Variants in BTG1 observed in about 807,000 individuals in gnomAD.
The protein encoded by BTG1 is BTG anti-proliferation factor 1.
Under a neutral mutation model 15.2 loss-of-function variants are expected in BTG1, and 2 were observed. The ratio of observed to expected loss-of-function variants is 0.13; its 90% CI spans 0.05 to 0.41. The LOEUF (loss-of-function observed/expected upper bound fraction) is 0.41. Ranked by LOEUF, BTG1 falls within the 10% of genes least tolerant of loss-of-function variation. BTG1 has a pLI of 0.99. For missense variants in BTG1, 149 were observed against 215.0 expected (o/e 0.69, Z 1.92); for synonymous variants, 109 against 82.4 (o/e 1.32, Z -1.75).
chr12:92,145,820 T>A lies in BTG1; in HGVS notation c.-285A>T, dbSNP rs567659861. ...GCTCCGCAGCATTCGAAGATCTCAA[T>A]AGCTGCATTTCCAGCTCCGAGAGGC... is the stretch of plus-strand genomic sequence containing the variant. On this transcript the variant is annotated 5_prime_UTR_variant, in exon 1 of 2. Transcript: ENST00000256015. 4.1e-5 allele frequency: 10 copies of A among 244,592 alleles called. No individual in the cohort carries two copies. Among genetic ancestry groups the A allele is most frequent in the Non-Finnish European group, 7.1e-5 (9 of 126,914 alleles). 15.2% of individuals were successfully genotyped at this position (244,592 alleles called of 1,614,324 possible).
chr12:92,142,682 T>C lies in BTG1; in HGVS notation c.*1398A>G, dbSNP rs1361244314. The C allele has an allele frequency of 4.3e-6, 1 of 232,986 alleles. No individual in the cohort carries two copies. The highest frequency in any genetic ancestry group is 8.5e-6 in the Non-Finnish European group (1 of 117,962). 14.4% of individuals were successfully genotyped at this position (232,986 alleles called of 1,614,324 possible). On this transcript the variant is annotated 3_prime_UTR_variant, in exon 2 of 2. Transcript: ENST00000256015. The stretch of plus-strand genomic sequence containing the variant: ...TGAAAAGCAAAAAGCAACCAATCTC[T>C]CTGTGGTGTTTAGCCTGTTCTTTAA...
Position 92,140,294 on chromosome 12 carries a change from T to C in BTG1, c.*3786A>G, listed in dbSNP as rs754381217. On this transcript the variant is annotated 3_prime_UTR_variant, in exon 2 of 2. Transcript: ENST00000256015. The stretch of plus-strand genomic sequence containing the variant: ...AGTCAGAAGTTGAACTACATTTTTT[T>C]ATTCCTATCTTGGACATACTGAGCA... 18 of 194,762 alleles carry C rather than the reference T, an allele frequency of 9.2e-5. No homozygotes were observed. The highest frequency in any genetic ancestry group is 1.5e-4 in the Non-Finnish European group (14 of 93,724). 12.1% of individuals were successfully genotyped at this position (194,762 alleles called of 1,614,324 possible).
chr12:92,141,361 T>G lies in BTG1; in HGVS notation c.*2719A>C. On this transcript the variant is annotated 3_prime_UTR_variant, in exon 2 of 2. Coordinates refer to ENST00000256015, the MANE Select transcript of BTG1 (RefSeq NM_001731.3). ...AAGATAACAGCCGCATTATCCTGCA[T>G]GAACCAGGGTAACTCTTGCTATACA... 4.3e-6 allele frequency: 1 copy of G among 232,412 alleles called. No individual in the cohort carries two copies. The allele number at this position is 232,412 out of a possible 1,614,324, so 14.4% of individuals were successfully genotyped here.
At position 92,141,890 on chromosome 12, in the gene BTG1, G is replaced by T; in HGVS notation, c.*2190C>A. On this transcript the variant is annotated 3_prime_UTR_variant, in exon 2 of 2. Transcript: ENST00000256015. Reference sequence around the variant, plus strand: ...AAAACAACTTTCCATTTGAAAAAAGGCTTTATGATAAAAAAAAAAAATGGT... The same window carrying T: ...AAAACAACTTTCCATTTGAAAAAAGTCTTTATGATAAAAAAAAAAAATGGT... 4.3e-6 allele frequency: 1 copy of T among 231,656 alleles called. No individual in the cohort carries two copies. The highest frequency in any genetic ancestry group is 8.5e-6 in the Non-Finnish European group (1 of 117,424). 14.4% of individuals were successfully genotyped at this position (231,656 alleles called of 1,614,324 possible).
chr12:92,144,530 G>A, intron 1 of BTG1, 83 bp from the exon 2 acceptor site: 7 of 1,546,306 alleles, frequency 4.5e-6, no homozygotes, highest in Non-Finnish European at 6.1e-6. Flanking sequence ...AGGCTCCTTT[G>A]AGGAGCGAAA....
chr12:92,144,818 G>A (rs1592657742), intron 1 of BTG1, among the ~76,000 whole-genome samples: 1 of 152,212 alleles, frequency 6.6e-6, no homozygotes, highest in East Asian at 1.9e-4. Context: ...GATGAGAAGC[G>A]CCACCGGACT....
chr12:92,145,559 CGGGGCGGCT>C lies in BTG1; in HGVS notation c.-33_-25del, dbSNP rs1565856025. 1.4e-6 allele frequency: 2 copies of C among 1,382,556 alleles called. No homozygotes were observed. Among genetic ancestry groups the C allele is most frequent in the Admixed American group, 5.6e-5 (2 of 35,514 alleles). 85.6% of individuals were successfully genotyped at this position (1,382,556 alleles called of 1,614,324 possible). A position where few individuals can be genotyped will look rare whatever the true frequency, so the allele number is the denominator to read the frequency against. On this transcript the variant is annotated 5_prime_UTR_variant, in exon 1 of 2. Coordinates refer to ENST00000256015, the MANE Select transcript of BTG1 (RefSeq NM_001731.3). ...ATGGGGGCGGCGTGCGGGGGCGGCC[CGGGGCGGCT>C]GGGGCTCGGCGGCGCGGCCCCGACG...
chr12:92,144,124 T>A lies in BTG1; in HGVS notation c.472A>T (p.Thr158Ser). Residue 158 changes from threonine to serine, a missense_variant, in exon 2 of 2, where the codon ACG becomes TCG. Physicochemically the swap from Thr to Ser is moderately conservative, Grantham distance 58. This residue lies in a region of BTG1 where 52 missense variants were observed against 57.4 expected (regional missense o/e 0.91). Transcript: ENST00000256015. ...ATATTGTAGTTTTTGGAAGGGCTCG[T>A]TCTGCCCAAGAGAAGTTCCTCCTTA... ...SCKEELLLGR[T>S]SPSKNYNMMT... The A allele has an allele frequency of 3.7e-6, 6 of 1,613,584 alleles. No individual in the cohort carries two copies. Among genetic ancestry groups the A allele is most frequent in the Non-Finnish European group, 5.1e-6 (6 of 1,179,986 alleles).
Position 92,145,833 on chromosome 12 carries a change from A to G in BTG1, c.-298T>C. 4.2e-6 allele frequency: 1 copy of G among 238,636 alleles called. No individual in the cohort carries two copies. The highest frequency in any genetic ancestry group is 8.2e-6 in the Non-Finnish European group (1 of 122,682). 14.8% of individuals were successfully genotyped at this position (238,636 alleles called of 1,614,324 possible). On this transcript the variant is annotated 5_prime_UTR_variant, in exon 1 of 2. Coordinates refer to ENST00000256015, the MANE Select transcript of BTG1 (RefSeq NM_001731.3). ...CGAAGATCTCAATAGCTGCATTTCC[A>G]GCTCCGAGAGGCGAAGAGATGCAAG...
Position 92,140,521 on chromosome 12 carries a change from G to A in BTG1, c.*3559C>T. ...GGGATAAAGAAAATAAAGATCTATAGGCATAACCAGAAATCAGATCTCATA... is the reference window on the plus strand; with the variant it reads ...GGGATAAAGAAAATAAAGATCTATAAGCATAACCAGAAATCAGATCTCATA... On this transcript the variant is annotated 3_prime_UTR_variant, in exon 2 of 2. Transcript: ENST00000256015. The A allele has an allele frequency of 4.3e-6, 1 of 230,620 alleles. No individual in the cohort carries two copies. The highest frequency in any genetic ancestry group is 2.2e-5 in the African/African-American group (1 of 45,296). The allele number at this position is 230,620 out of a possible 1,614,324, so 14.3% of individuals were successfully genotyped here.
Position 92,145,553 on chromosome 12 carries a change from G to T in BTG1, c.-18C>A, listed in dbSNP as rs1011187688. The T allele has an allele frequency of 7.1e-7, 1 of 1,402,698 alleles. No individual in the cohort carries two copies. The highest frequency in any genetic ancestry group is 9.3e-7 in the Non-Finnish European group (1 of 1,071,856). 86.9% of individuals were successfully genotyped at this position (1,402,698 alleles called of 1,614,324 possible). A position where few individuals can be genotyped will look rare whatever the true frequency, so the allele number is the denominator to read the frequency against. ...GGATGCATGGGGGCGGCGTGCGGGG[G>T]CGGCCCGGGGCGGCTGGGGCTCGGC... On this transcript the variant is annotated 5_prime_UTR_variant, in exon 1 of 2. Coordinates refer to ENST00000256015, the MANE Select transcript of BTG1 (RefSeq NM_001731.3).
In BTG1 at chr12:92,144,431, G is replaced by A. The variant is rs756555997; in HGVS notation, c.165C>T (p.His55=). The A allele has an allele frequency of 1.2e-6, 2 of 1,614,168 alleles. No homozygotes were observed. Among genetic ancestry groups the A allele is most frequent in the Non-Finnish European group, 8.5e-7 (1 of 1,180,020 alleles). Reference sequence around the variant, plus strand: ...CCTTGCATGGCTTTTCTGGGAACCAGTGATGTTTATAATGTTCTATAGAAG... The same window carrying A: ...CCTTGCATGGCTTTTCTGGGAACCAATGATGTTTATAATGTTCTATAGAAG... ...QELLAEHYKH[H]WFPEKPCKGS... is the part of the protein sequence containing the mutation. Residue 55 remains histidine, a synonymous_variant, in exon 2 of 2, where the codon CAC becomes CAT. Transcript: ENST00000256015.
chr12:92,144,644 C>T (rs1259846959), intron 1 of BTG1, among the ~76,000 whole-genome samples, 197 bp from the exon 2 acceptor site: 1 of 152,090 alleles, frequency 6.6e-6, no homozygotes, highest in Admixed American at 6.6e-5. Context: ...ACAGTAGTAC[C>T]GGACAAAACA....
chr12:92,145,596 G>T lies in BTG1; in HGVS notation c.-61C>A. The T allele has an allele frequency of 8.3e-7, 1 of 1,208,724 alleles. No homozygotes were observed. The highest frequency in any genetic ancestry group is 1.0e-6 in the Non-Finnish European group (1 of 953,128). 74.9% of individuals were successfully genotyped at this position (1,208,724 alleles called of 1,614,324 possible). A position where few individuals can be genotyped will look rare whatever the true frequency, so the allele number is the denominator to read the frequency against. On this transcript the variant is annotated 5_prime_UTR_variant, in exon 1 of 2. Transcript: ENST00000256015. ...GGCTCGGCGGCGCGGCCCCGACGGCGGAGCAGCCACCCCGGGCTTCCTCAC... is the reference window on the plus strand; with the variant it reads ...GGCTCGGCGGCGCGGCCCCGACGGCTGAGCAGCCACCCCGGGCTTCCTCAC...
Position 92,144,321 on chromosome 12 carries a change from T to C in BTG1, c.275A>G (p.Gln92Arg), listed in dbSNP as rs1310344335. ...ACTTGGGAGAAGCCTGAACAGCTCC[T>C]GACTGCTCAGTCCAATCCGCTGTGC... ...QAAQRIGLSS[Q>R]ELFRLLPSEL... Residue 92 changes from glutamine to arginine, a missense_variant, in exon 2 of 2, where the codon CAG (glutamine) becomes CGG (arginine). Around this residue, in one of 3 missense-constraint regions of BTG1, gnomAD observed 34 missense variants for 96.8 expected, o/e 0.35. Transcript: ENST00000256015. 3.1e-6 allele frequency: 5 copies of C among 1,614,140 alleles called. No individual in the cohort carries two copies. Among genetic ancestry groups the C allele is most frequent in the Non-Finnish European group, 4.2e-6 (5 of 1,180,048 alleles).
Position 92,141,118 on chromosome 12 carries a change from G to A in BTG1, c.*2962C>T, listed in dbSNP as rs561462815. The A allele has an allele frequency of 4.3e-6, 1 of 232,750 alleles. No homozygotes were observed. The highest frequency in any genetic ancestry group is 2.2e-5 in the African/African-American group (1 of 45,406). The allele number at this position is 232,750 out of a possible 1,614,324, so 14.4% of individuals were successfully genotyped here. On this transcript the variant is annotated 3_prime_UTR_variant, in exon 2 of 2. Transcript: ENST00000256015. Reference sequence around the variant, plus strand: ...GTAGTCATTAAACACTAGCCATCGGGAATACGGCTTCCTTCCTTTTAACTT... The same window carrying A: ...GTAGTCATTAAACACTAGCCATCGGAAATACGGCTTCCTTCCTTTTAACTT...
At position 92,145,612 on chromosome 12, in the gene BTG1, G is replaced by A. The variant is rs1212786046; in HGVS notation, c.-77C>T. The A allele has an allele frequency of 1.3e-5, 14 of 1,079,270 alleles. No individual in the cohort carries two copies. The Admixed American group carries it at 2.7e-4, about 20-fold the overall frequency. The allele number at this position is 1,079,270 out of a possible 1,614,324, so 66.9% of individuals were successfully genotyped here. On this transcript the variant is annotated 5_prime_UTR_variant, in exon 1 of 2. Transcript: ENST00000256015. ...CCCGACGGCGGAGCAGCCACCCCGGGCTTCCTCACCGGGCGGAAGGCTGAG... is the reference window on the plus strand; with the variant it reads ...CCCGACGGCGGAGCAGCCACCCCGGACTTCCTCACCGGGCGGAAGGCTGAG...
rs1037472495 is a variant in BTG1 at position 92,145,380 on chromosome 12, C to G, written c.148+8G>C. On this transcript the variant is annotated splice_region_variant and intron_variant, in intron 1 of 1. Transcript: ENST00000256015. ...CCCGCGTCCCTCCGACGCCCTCGCC[C>G]TGCTCACCTGCCAGCAGCTCCTGCA... 4.5e-6 allele frequency: 7 copies of G among 1,572,910 alleles called. No homozygotes were observed. The highest frequency in any genetic ancestry group is 6.0e-6 in the Non-Finnish European group (7 of 1,160,632).
Position 92,145,495 on chromosome 12 carries a change from T to TCGCCTATCATGGTGGCGGCCC in BTG1, c.20_40dup (p.Gly13_Glu14insGlyAlaAlaThrMetIleGly). ...GATGAAGGACACGGCGGCGGCGATCTCGCCTATCATGGTGGCGGCCCGGGT... is the reference window on the plus strand; with the variant it reads ...GATGAAGGACACGGCGGCGGCGATCTCGCCTATCATGGTGGCGGCCCCGCCTATCATGGTGGCGGCCCGGGT... On this transcript the variant is annotated inframe_insertion, in exon 1 of 2. Transcript: ENST00000256015. 1 of 1,581,468 alleles carries TCGCCTATCATGGTGGCGGCCC rather than the reference T, an allele frequency of 6.3e-7. No homozygotes were observed. The highest frequency in any genetic ancestry group is 8.6e-7 in the Non-Finnish European group (1 of 1,165,698).
Sources: allele counts gnomAD v4.1 joint callset (sites outside exome capture counted in the v4.1 genomes callset), GRCh38; gene constraint gnomAD v4.1.1; regional missense constraint gnomAD v4.1.1; transcripts MANE v1.5; gene names NCBI Gene and HGNC (gene_info 2026-07-23, HGNC 2026-07-21).